Variants in CDK14 observed in about 807,000 individuals in gnomAD.
The protein encoded by CDK14 is cyclin dependent kinase 14.
CDK14 carries 34 observed loss-of-function variants against 60.7 expected under a neutral mutation model. The ratio of observed to expected loss-of-function variants is 0.56; its 90% CI spans 0.43 to 0.75. The LOEUF is 0.75. Among genes scored for constraint, CDK14 ranks in the 30% least tolerant of loss-of-function variants. CDK14 has a pLI of 0.00. For missense variants in CDK14, 482 were observed against 564.1 expected, an observed-to-expected ratio of 0.85 and a Z score of 1.47; for synonymous variants, 197 against 203.7, an observed-to-expected ratio of 0.97 and a Z score of 0.28.
chr7:90,894,730 A>T (rs1792241312), intron 6 of CDK14, among the ~76,000 whole-genome samples: 1 of 152,232 alleles, frequency 6.6e-6, no homozygotes, highest in African/African-American at 2.4e-5. Context: ...TTATTTATGC[A>T]AAGTTGGCAT....
chr7:90,932,716 T>C (rs559788886), intron 8 of CDK14, among the ~76,000 whole-genome samples: 1 of 152,298 alleles, frequency 6.6e-6, no homozygotes, highest in South Asian at 2.1e-4. Flanking sequence ...GTGGTAAGAG[T>C]CTGAGTATGG....
At chr7:91,139,006 G>A (rs902548108) in intron 14 of CDK14, among the ~76,000 whole-genome samples, 25 of 152,100 alleles carry the variant, frequency 1.6e-4, no homozygotes, top group African/African-American at 5.3e-4. Flanking sequence ...GACATCATTC[G>A]AGGTCAGTGT....
chr7:90,684,911 T>C (rs1265418675), intron 2 of CDK14, among the ~76,000 whole-genome samples: 1 of 151,986 alleles, frequency 6.6e-6, no homozygotes, highest in Non-Finnish European at 1.5e-5. Context: ...CATATATATA[T>C]ATTCATATTT....
chr7:90,631,061 G>C (rs1799987469), intron 2 of CDK14, among the ~76,000 whole-genome samples: 1 of 152,040 alleles, frequency 6.6e-6, no homozygotes, highest in South Asian at 2.1e-4. Context: ...AAAAGGTGGT[G>C]GTACTCTGAT....
At chr7:90,823,057 T>C (rs138069901) in intron 5 of CDK14, among the ~76,000 whole-genome samples, 2,080 of 152,314 alleles carry the variant, frequency 0.014, 61 homozygotes, top group African/African-American at 0.048. Context: ...CCAGTAGTAC[T>C]AATTAGGAGA....
In CDK14 at chr7:91,038,706, C is replaced by T. The variant is rs149982759; in HGVS notation, c.1042-7191C>T. ...TGAATTGTAACTCCCACAATTCCCA[C>T]GTGTCATGGGAGGAACCCAGTGGGA... is the stretch of plus-strand genomic sequence containing the variant. On this transcript the variant is annotated intron_variant, in intron 10 of 14. Coordinates refer to ENST00000380050, the MANE Select transcript of CDK14 (RefSeq NM_001287135.2). Among the ~76,000 whole-genome samples the T allele has an allele frequency of 7.2e-5, 11 of 152,294 alleles. No homozygotes were observed. In the East Asian group the frequency reaches 7.7e-4, roughly 11 times the overall value.
intron 4 of CDK14, among the ~76,000 whole-genome samples, chr7:90,762,542 T>G (rs115903267): frequency 0.013 from 1,960 of 152,262 alleles, 59 homozygotes; most frequent in African/African-American, 0.045. Flanking sequence ...GTAATTGGTC[T>G]AAAGATACCA....
chr7:91,188,919 A>G (rs576385587), intron 14 of CDK14, among the ~76,000 whole-genome samples: 1 of 152,184 alleles, frequency 6.6e-6, no homozygotes, highest in Non-Finnish European at 1.5e-5. Context: ...GTAACAACCA[A>G]GTGCCCAAAA....
At chr7:90,751,695 T>G (rs1392471570) in intron 4 of CDK14, among the ~76,000 whole-genome samples, 1 of 152,118 alleles carries the variant, frequency 6.6e-6, no homozygotes, top group South Asian at 2.1e-4. Context: ...ATAAACTGAC[T>G]AAACCTCACA....
chr7:90,638,853 C>G (rs1249867846), intron 2 of CDK14, among the ~76,000 whole-genome samples: 1 of 151,382 alleles, frequency 6.6e-6, no homozygotes, highest in African/African-American at 2.4e-5. Context: ...TTTCTCTAAA[C>G]TTCCCTTCTC....
intron 10 of CDK14, among the ~76,000 whole-genome samples, chr7:91,038,942 T>G (rs1797006537): frequency 6.6e-6 from 1 of 152,200 alleles, no homozygotes; most frequent in Non-Finnish European, 1.5e-5. Context: ...AAACCTCTTT[T>G]TCTTTCCAGT....
At chr7:91,076,698 A>C (rs1798329548) in intron 11 of CDK14, among the ~76,000 whole-genome samples, 1 of 152,106 alleles carries the variant, frequency 6.6e-6, no homozygotes, top group South Asian at 2.1e-4. Context: ...GAATGAATAG[A>C]GTGAACAGAA....
chr7:90,978,026 T>C (rs984170382), intron 9 of CDK14, among the ~76,000 whole-genome samples: 9 of 152,106 alleles, frequency 5.9e-5, no homozygotes, highest in Non-Finnish European at 1.2e-4. Context: ...AACTGCCTTA[T>C]AGGTGGTCGC....
At chr7:90,990,341 A>T (rs1249315393) in intron 10 of CDK14, among the ~76,000 whole-genome samples, 1 of 152,224 alleles carries the variant, frequency 6.6e-6, no homozygotes, top group Non-Finnish European at 1.5e-5. Context: ...TGGCAGAAGT[A>T]GAGAATTAAA....
intron 7 of CDK14, among the ~76,000 whole-genome samples, chr7:90,915,930 A>G (rs1327269559): frequency 2.6e-5 from 4 of 152,234 alleles, no homozygotes; most frequent in South Asian, 2.1e-4. Context: ...CCATGGTTAA[A>G]CACTTACATT....
chr7:90,931,889 T>C lies in CDK14; in HGVS notation c.826+14165T>C, dbSNP rs1464670126. Among the ~76,000 whole-genome samples the C allele has an allele frequency of 2.6e-5, 4 of 152,348 alleles. No homozygotes were observed. The East Asian group carries it at 7.7e-4, about 29-fold the overall frequency. ...AACAAGTTTTTACTGCTTTGACTTA[T>C]CTTAGATTGAAGCTAGTCTGTTGAT... On this transcript the variant is annotated intron_variant, in intron 8 of 14. Transcript: ENST00000380050.
Position 91,112,688 on chromosome 7 carries a change from A to T in CDK14, c.1294+7A>T. The stretch of plus-strand genomic sequence containing the variant: ...CTATGGGAACTCACCGACAGTGAGT[A>T]TGACAAATCCACAACATCCAGTCCA... On this transcript the variant is annotated splice_region_variant and intron_variant, in intron 13 of 14. Coordinates refer to ENST00000380050, the MANE Select transcript of CDK14 (RefSeq NM_001287135.2). 6.2e-7 allele frequency: 1 copy of T among 1,613,110 alleles called. No homozygotes were observed. The highest frequency in any genetic ancestry group is 2.2e-5 in the East Asian group (1 of 44,826).
intron 2 of CDK14, among the ~76,000 whole-genome samples, chr7:90,724,202 A>G (rs1201952068): frequency 6.6e-6 from 1 of 151,830 alleles, no homozygotes; most frequent in East Asian, 1.9e-4. Context: ...GTTTCATCTA[A>G]GTTGTGGAAT....
In CDK14 at chr7:90,736,361, T is replaced by G. The variant is rs909972039; in HGVS notation, c.369+9549T>G. On this transcript the variant is annotated intron_variant, in intron 3 of 14. Transcript: ENST00000380050. ...TTTATTATGTTTTTGTTTTTTTTTT[T>G]TTTTTTTTTTTTTGGTAGAAAGGTT... 8.1e-5 allele frequency among the ~76,000 whole-genome samples: 12 copies of G among 147,380 alleles called. 1 individual carries two copies. Among genetic ancestry groups the G allele is most frequent in the South Asian group, 6.5e-4 (3 of 4,586 alleles).
Sources: gnomAD v4.1 joint callset for allele counts (sites outside exome capture counted in the v4.1 genomes callset) on GRCh38, gnomAD v4.1.1 for gene constraint, MANE v1.5 for transcripts, NCBI Gene and HGNC (gene_info 2026-07-23, HGNC 2026-07-21) for gene names.